TAB3: variants seen among roughly 807,000 people sequenced by gnomAD.
The protein encoded by TAB3 is TGF-beta-activated kinase 1 and MAP3K7-binding protein 3.
In TAB3, 18 loss-of-function variants were observed where a neutral mutation model predicts 48.1. The ratio of observed to expected loss-of-function variants is 0.37; its 90% CI spans 0.26 to 0.55. TAB3 has a LOEUF of 0.55. TAB3 is among the 20% of genes least tolerant of loss of function. The pLI, the probability that TAB3 is intolerant of heterozygous loss-of-function variation, is 0.78. For missense variants in TAB3, 414 were observed against 549.8 expected (o/e 0.75, Z 2.47); for synonymous variants, 185 against 190.2 (o/e 0.97, Z 0.22).
chrX:30,866,192 G>A (rs1939396968), intron 4 of TAB3, among the ~76,000 whole-genome samples: 1 of 111,266 alleles, frequency 9.0e-6, no homozygotes, highest in Non-Finnish European at 1.9e-5. Context: ...CTCCAGAAAC[G>A]ATAGATTCAT....
At chrX:30,883,994 C>T (rs781516964) in intron 1 of TAB3, among the ~76,000 whole-genome samples, 2 of 111,431 alleles carry the variant, frequency 1.8e-5, no homozygotes, top group African/African-American at 6.5e-5. Context: ...TTTGCTCAAA[C>T]ATCAAAAAGG....
rs1415622638 is a variant in TAB3 at position 30,829,374 on chromosome X, T to C, written c.*2053A>G. ...ACCTTTTAGCTAGGACACCAAGCAG[T>C]ATATATATATATATTTCCCCTAAAT... On this transcript the variant is annotated 3_prime_UTR_variant, in exon 11 of 11. Coordinates refer to ENST00000288422, the MANE Select transcript of TAB3 (RefSeq NM_152787.5). 1 of 109,782 alleles carries C rather than the reference T, an allele frequency of 9.1e-6. No homozygotes were observed. Among genetic ancestry groups the C allele is most frequent in the East Asian group, 2.8e-4 (1 of 3,544 alleles). The allele number at this position is 109,782 out of a possible 1,213,427, so 9.0% of individuals were successfully genotyped here.
chrX:30,886,029 G>A (rs1168920507), intron 1 of TAB3, among the ~76,000 whole-genome samples: 3 of 111,813 alleles, frequency 2.7e-5, no homozygotes, highest in Non-Finnish European at 5.6e-5. Flanking sequence ...AGCAGGGAGG[G>A]AAGTAGGATG....
intron 9 of TAB3, among the ~76,000 whole-genome samples, chrX:30,841,871 C>T (rs1348601934): frequency 8.9e-6 from 1 of 112,012 alleles, no homozygotes; most frequent in African/African-American, 3.2e-5. Context: ...TACAGTGGCG[C>T]GATCTCGGCT....
intron 9 of TAB3, among the ~76,000 whole-genome samples, chrX:30,838,337 T>C (rs1008836348): frequency 4.5e-5 from 5 of 111,868 alleles, no homozygotes; most frequent in South Asian, 7.5e-4. Flanking sequence ...TTAAATTTTT[T>C]TTTGTAGATG....
intron 1 of TAB3, among the ~76,000 whole-genome samples, chrX:30,887,698 A>C (rs1446257987): frequency 8.9e-6 from 1 of 112,360 alleles, no homozygotes; most frequent in Non-Finnish European, 1.9e-5. Context: ...GCCTGAATAT[A>C]ATCGACGTTA....
chrX:30,854,861 A>C lies in TAB3; in HGVS notation c.804T>G (p.Val268=), dbSNP rs1939004640. ...GCTGATAGTTCTGTTGGTGTGGATA[A>C]ACAGGTAAAGGACGCTGGCTATAGT... ...VPHYSQRPLP[V]YPHQQNYQPS... The change falls in exon 6 of 11, where the codon GTT becomes GTG. Residue 268 remains valine (V), a synonymous_variant. Transcript: ENST00000288422. 1 of 1,209,055 alleles carries C rather than the reference A, an allele frequency of 8.3e-7. No homozygotes were observed. Among genetic ancestry groups the C allele is most frequent in the African/African-American group, 1.8e-5 (1 of 56,902 alleles).
At chrX:30,850,278 T>C (rs748805247) in intron 7 of TAB3, among the ~76,000 whole-genome samples, 1 of 112,113 alleles carries the variant, frequency 8.9e-6, no homozygotes, top group African/African-American at 3.2e-5. Context: ...CCACATGAAC[T>C]ACCAATTTCT....
At chrX:30,885,237 A>G (rs753452244) in intron 1 of TAB3, among the ~76,000 whole-genome samples, 5 of 112,347 alleles carry the variant, frequency 4.5e-5, no homozygotes, top group African/African-American at 1.6e-4. Context: ...AAAATCATCT[A>G]TTTGAAACTC....
rs150917850 is a variant in TAB3, at chrX:30,859,566, A to C, written c.23T>G (p.Leu8Arg). The change falls in exon 5 of 11, where the codon CTT (leucine) becomes CGT (arginine). Residue 8 changes from leucine to arginine, a missense_variant. Coordinates refer to ENST00000288422, the MANE Select transcript of TAB3 (RefSeq NM_152787.5). ...AAGATCATGGAGAACCTGAATATCA[A>C]GCTGTGGGCTGCTTTGCGCCATGCC... MAQSSPQ[L>R]DIQVLHDLRQ... is the part of the protein sequence containing the mutation. 5 of 1,207,165 alleles carry C rather than the reference A, an allele frequency of 4.1e-6. No homozygotes were observed. The African/African-American group carries it at 8.8e-5, about 21-fold the overall frequency.
intron 1 of TAB3, among the ~76,000 whole-genome samples, chrX:30,883,684 A>G (rs1940055887): frequency 8.9e-6 from 1 of 112,143 alleles, no homozygotes; most frequent in South Asian, 3.7e-4. Context: ...TATCTGCAAG[A>G]TTGTGTTCAT....
chrX:30,831,989 A>T (rs1162386210), intron 10 of TAB3, among the ~76,000 whole-genome samples: 1 of 111,926 alleles, frequency 8.9e-6, no homozygotes, highest in African/African-American at 3.3e-5. Context: ...TATCCACACT[A>T]TATTAAACAT....
intron 4 of TAB3, among the ~76,000 whole-genome samples, chrX:30,866,016 T>C (rs1939392045): frequency 8.9e-6 from 1 of 111,889 alleles, no homozygotes; most frequent in Non-Finnish European, 1.9e-5. Flanking sequence ...TTCTAAATAA[T>C]TTATGAAACA....
In TAB3 at chrX:30,859,596, C is replaced by A. The variant is rs373809703; in HGVS notation, c.-8G>T. ...TGGGCTGCTTTGCGCCATGCCAGAG[C>A]AAATGGTGGCCAAGTTTCTCTTAGG... On this transcript the variant is annotated 5_prime_UTR_variant, in exon 5 of 11. Coordinates refer to ENST00000288422, the MANE Select transcript of TAB3 (RefSeq NM_152787.5). 24 of 1,169,639 alleles carry A rather than the reference C, an allele frequency of 2.1e-5. No homozygotes were observed. Among genetic ancestry groups the A allele is most frequent in the Non-Finnish European group, 2.7e-5 (23 of 863,636 alleles).
At chrX:30,846,197 C>T (rs1938617226) in intron 8 of TAB3, 25 of 500,631 alleles carry the variant, frequency 5.0e-5, no homozygotes, top group Admixed American at 6.3e-5. Context: ...GATTTGGGAT[C>T]CCTTTTTACA....
At chrX:30,876,064 G>A (rs768779977) in intron 1 of TAB3, among the ~76,000 whole-genome samples, 7 of 111,997 alleles carry the variant, frequency 6.3e-5, no homozygotes, top group Non-Finnish European at 7.5e-5. Flanking sequence ...ACCCACTTTC[G>A]GGTTGGGACC....
chrX:30,862,720 A>C (rs959897519), intron 4 of TAB3, among the ~76,000 whole-genome samples: 1 of 112,216 alleles, frequency 8.9e-6, no homozygotes, highest in Non-Finnish European at 1.9e-5. Flanking sequence ...ATGAACTCAA[A>C]GAATGAACAT....
At chrX:30,859,360 C>CACACACACACACACACA (rs1555941683) in intron 5 of TAB3, 127 bp downstream of exon 5, 5 of 391,984 alleles carry the variant, frequency 1.3e-5, no homozygotes, top group African/African-American at 3.0e-5. Flanking sequence ...AAATCCTGCT[C>CACACACACACACACACA]CACACACACA....
At position 30,842,982 on chromosome X, in the gene TAB3, G is replaced by A; in HGVS notation, c.1872C>T (p.Pro624=). ...DNIEPGPVVP[P]KPSKKDSSDP... ...CATACTCACCTTTTTTAGATGGCTTGGGTGGTACAACTGGGCCAGGTTCTA... is the reference window on the plus strand; with the variant it reads ...CATACTCACCTTTTTTAGATGGCTTAGGTGGTACAACTGGGCCAGGTTCTA... The change falls in exon 9 of 11, where the codon CCC becomes CCT. Residue 624 remains proline (P), a synonymous_variant. Transcript: ENST00000288422. 8.5e-7 allele frequency: 1 copy of A among 1,172,465 alleles called. No homozygotes were observed. The highest frequency in any genetic ancestry group is 1.1e-6 in the Non-Finnish European group (1 of 869,930).
Sources: allele counts gnomAD v4.1 joint callset (sites outside exome capture counted in the v4.1 genomes callset), GRCh38; gene constraint gnomAD v4.1.1; transcripts MANE v1.5; gene names NCBI Gene and HGNC (gene_info 2026-07-23, HGNC 2026-07-21).